Variants in ZNF236 observed in about 807,000 individuals in gnomAD.
ZNF236 encodes zinc finger protein 236.
A neutral mutation model predicts 191.2 loss-of-function variants in ZNF236; 50 were observed. The observed-to-expected ratio is 0.26, with a 90% CI of 0.21 to 0.33. The LOEUF is 0.33. ZNF236 is among the 10% of genes least tolerant of loss of function. The pLI is 1.00. For synonymous variants in ZNF236, 907 were observed against 928.8 expected (o/e 0.98, Z 0.43); for missense variants, 1,754 against 2,374.5 (o/e 0.74, Z 5.43).
At position 76,927,528 on chromosome 18, in the gene ZNF236, C is replaced by T. The variant is rs778971121; in HGVS notation, c.4414+11C>T. The T allele has an allele frequency of 1.9e-6, 3 of 1,599,666 alleles. No individual in the cohort carries two copies. Reference sequence around the variant, plus strand: ...CCACTAACAGCAGTGGTAAGAGCCACTCACTTTTGCTTATTTTGACAGCTG... The same window carrying T: ...CCACTAACAGCAGTGGTAAGAGCCATTCACTTTTGCTTATTTTGACAGCTG... On this transcript the variant is annotated intron_variant, in intron 24 of 30. Transcript: ENST00000320610. The surrounding 1 kb of genome is among the most constrained non-coding windows in gnomAD (Gnocchi z 5.4).
intron 1 of ZNF236, among the ~76,000 whole-genome samples, chr18:76,845,918 A>G (rs1182094013): frequency 6.6e-6 from 1 of 151,782 alleles, no homozygotes; most frequent in East Asian, 1.9e-4. Context: ...ATTTGATCAC[A>G]TGTTTCTTTG....
rs1028807029 is a variant in ZNF236, at chr18:76,927,969, T to C, written c.4457T>C (p.Val1486Ala). 1.2e-6 allele frequency: 2 copies of C among 1,613,396 alleles called. No individual in the cohort carries two copies. The highest frequency in any genetic ancestry group is 1.7e-6 in the Non-Finnish European group (2 of 1,179,732). ...CAAGTGATGACTTCGCAAGGTCTAGTGTCCCCCTCCGGCGGTCCCCACGAG... is the reference window on the plus strand; with the variant it reads ...CAAGTGATGACTTCGCAAGGTCTAGCGTCCCCCTCCGGCGGTCCCCACGAG... Reference protein sequence around the residue: ...LTQVMTSQGLVSPSGGPHEIT... With the variant: ...LTQVMTSQGLASPSGGPHEIT... Residue 1486 changes from valine to alanine, a missense_variant, in exon 25 of 31, where the codon GTG (valine) becomes GCG (alanine). Physicochemically the swap from Val to Ala is moderately conservative, Grantham distance 64 (BLOSUM62 0). Around this residue, in one of 5 missense-constraint regions of ZNF236, gnomAD observed 606 missense variants for 761.5 expected, o/e 0.80. Transcript: ENST00000320610. This position sits in a 1 kb window ranked among gnomAD's most constrained non-coding sequence, Gnocchi z 5.4.
At chr18:76,827,900 A>C (rs867896530) in intron 1 of ZNF236, among the ~76,000 whole-genome samples, 5 of 152,234 alleles carry the variant, frequency 3.3e-5, no homozygotes, top group Middle Eastern at 6.8e-3. Flanking sequence ...TATGATTTCC[A>C]TCTGTTTTCT....
At chr18:76,863,323 AAAGTCATAACTCACAGATTG>A (rs1462726072) in intron 3 of ZNF236, among the ~76,000 whole-genome samples, 1 of 152,238 alleles carries the variant, frequency 6.6e-6, no homozygotes, top group Non-Finnish European at 1.5e-5. Context: ...AGACTTGGTA[AAAGTCATAACTCACAGATTG>A]AAGAATTCCA....
At chr18:76,831,003 TTCTG>T (rs1314588988) in intron 1 of ZNF236, among the ~76,000 whole-genome samples, 2 of 152,230 alleles carry the variant, frequency 1.3e-5, no homozygotes, top group Admixed American at 6.5e-5. Flanking sequence ...TGGAGACACC[TTCTG>T]TCTCTCCTCA....
intron 10 of ZNF236, among the ~76,000 whole-genome samples, chr18:76,896,973 A>G (rs1977438341): frequency 6.6e-6 from 1 of 151,208 alleles, no homozygotes; most frequent in Non-Finnish European, 1.5e-5. Flanking sequence ...CACACAGTAC[A>G]ACATACACAG....
At chr18:76,914,596 A>C (rs1967306462) in intron 18 of ZNF236, among the ~76,000 whole-genome samples, 1 of 152,154 alleles carries the variant, frequency 6.6e-6, no homozygotes, top group African/African-American at 2.4e-5. Context: ...GATGGTCATG[A>C]GCCTTCCCAC....
At chr18:76,926,416 G>T (rs1246048606) in intron 22 of ZNF236, among the ~76,000 whole-genome samples, 1 of 152,156 alleles carries the variant, frequency 6.6e-6, no homozygotes, top group Non-Finnish European at 1.5e-5. Context: ...ATTAGACAGT[G>T]TATTTGTGTA....
intron 1 of ZNF236, among the ~76,000 whole-genome samples, chr18:76,836,692 C>G (rs1975337520): frequency 1.3e-5 from 2 of 151,952 alleles, no homozygotes; most frequent in African/African-American, 4.8e-5. Flanking sequence ...ATTCTCCTGC[C>G]TCAGCCTCCC....
chr18:76,909,255 C>T (rs1967149234), intron 14 of ZNF236, among the ~76,000 whole-genome samples: 1 of 142,820 alleles, frequency 7.0e-6, no homozygotes, highest in Non-Finnish European at 1.5e-5. Flanking sequence ...GCGGAGGTTG[C>T]AGTGAGCCGA....
intron 1 of ZNF236, among the ~76,000 whole-genome samples, chr18:76,844,111 A>G (rs1169178543): frequency 1.3e-5 from 2 of 151,796 alleles, no homozygotes; most frequent in Non-Finnish European, 2.9e-5. Flanking sequence ...ATGGTGGCAC[A>G]TGCCTGTAAT....
At chr18:76,908,889 C>A (rs919067274) in intron 14 of ZNF236, among the ~76,000 whole-genome samples, 1 of 151,866 alleles carries the variant, frequency 6.6e-6, no homozygotes, top group African/African-American at 2.4e-5. Context: ...CAAAATCTAC[C>A]GTCCTTATTT....
intron 1 of ZNF236, among the ~76,000 whole-genome samples, chr18:76,823,896 T>A (rs1237827306): frequency 6.6e-6 from 1 of 152,122 alleles, no homozygotes. Flanking sequence ...AGTCTCCCCC[T>A]GCAGGCCTGG....
At chr18:76,892,669 G>A (rs1341801502) in intron 9 of ZNF236, among the ~76,000 whole-genome samples, 1 of 152,216 alleles carries the variant, frequency 6.6e-6, no homozygotes, top group African/African-American at 2.4e-5. Context: ...CCGGGTTCAA[G>A]TGATTCTCCT....
rs770567593 is a variant in ZNF236, at chr18:76,910,838, A to G, written c.2805+27A>G. 4.3e-6 allele frequency: 7 copies of G among 1,610,648 alleles called. No homozygotes were observed. The East Asian group carries it at 1.3e-4, about 31-fold the overall frequency. Reference sequence around the variant, plus strand: ...TGAGTATGGACAGAGGGGTGCATACATGGCAGTATTTAGCAGGTGCTATGT... The same window carrying G: ...TGAGTATGGACAGAGGGGTGCATACGTGGCAGTATTTAGCAGGTGCTATGT... On this transcript the variant is annotated intron_variant, in intron 16 of 30. Coordinates refer to ENST00000320610, the MANE Select transcript of ZNF236 (RefSeq NM_001306089.2).
chr18:76,895,256 G>C lies in ZNF236; in HGVS notation c.1661G>C (p.Ser554Thr), dbSNP rs1276038951. ...YCMKSFSTSG[S>T]LKVHIRLHTG... ...ATGAAGAGCTTCTCCACCTCTGGCA[G>C]CCTCAAGGTGCACATTCGCCTGCAC... is the stretch of plus-strand genomic sequence containing the variant. The change falls in exon 10 of 31, where the codon AGC becomes ACC. Residue 554 changes from serine to threonine, a missense_variant. Around this residue, in one of 5 missense-constraint regions of ZNF236, gnomAD observed 641 missense variants for 869.6 expected, o/e 0.74. Coordinates refer to ENST00000320610, the MANE Select transcript of ZNF236 (RefSeq NM_001306089.2). 1 of 1,599,688 alleles carries C rather than the reference G, an allele frequency of 6.3e-7. No homozygotes were observed. The highest frequency in any genetic ancestry group is 1.7e-5 in the Admixed American group (1 of 60,020).
intron 19 of ZNF236, among the ~76,000 whole-genome samples, chr18:76,917,021 G>A (rs1190805086): frequency 1.3e-5 from 2 of 152,196 alleles, no homozygotes; most frequent in African/African-American, 4.8e-5. Flanking sequence ...TGAGGAATAA[G>A]TCTGTAAAAC....
chr18:76,947,716 G>C, intron 27 of ZNF236, 64 bp downstream of exon 27: 4 of 1,562,676 alleles, frequency 2.6e-6, no homozygotes. Flanking sequence ...ATTCAGAAGG[G>C]ATGGTGGTAG....
intron 26 of ZNF236, among the ~76,000 whole-genome samples, chr18:76,938,611 A>G (rs1968057914): frequency 6.6e-6 from 1 of 152,182 alleles, no homozygotes; most frequent in African/African-American, 2.4e-5. Context: ...GGCAGAGTTC[A>G]GTCAGTCTCC....
Sources: allele counts gnomAD v4.1 joint callset (sites outside exome capture counted in the v4.1 genomes callset), GRCh38; gene constraint gnomAD v4.1.1; regional missense constraint gnomAD v4.1.1; non-coding constraint Gnocchi (gnomAD v3.1); transcripts MANE v1.5; gene names NCBI Gene and HGNC (gene_info 2026-07-23, HGNC 2026-07-21).